Variants in METTL15 observed in about 807,000 individuals in gnomAD.
METTL15 encodes the protein methyltransferase 15, mitochondrial 12S rRNA N4-cytidine, also known as 12S rRNA N(4)-cytidine methyltransferase METTL15.
METTL15 carries 34 observed loss-of-function variants against 38.3 expected under a neutral mutation model. The ratio of observed to expected loss-of-function variants is 0.89; its 90% CI spans 0.68 to 1.18. The LOEUF (loss-of-function observed/expected upper bound fraction) is 1.18. Ranked by LOEUF, METTL15 falls within the 50% of genes most tolerant of loss-of-function variation. The probability of loss-of-function intolerance (pLI) is 0.00; values close to 1 mark genes in which losing one functional copy is unlikely to be tolerated. For missense variants in METTL15, 438 were observed against 498.4 expected (o/e 0.88, Z 1.15); for synonymous variants, 162 against 170.9 (o/e 0.95, Z 0.41).
chr11:28,223,420 T>C (rs1853334556), intron 4 of METTL15, among the ~76,000 whole-genome samples: 1 of 152,138 alleles, frequency 6.6e-6, no homozygotes, highest in South Asian at 2.1e-4. Flanking sequence ...GTGGCAATAA[T>C]GGATCGATCA....
chr11:28,436,456 G>A (rs1012740970), intron 6 of METTL15, among the ~76,000 whole-genome samples: 8 of 152,130 alleles, frequency 5.3e-5, no homozygotes, highest in Admixed American at 5.2e-4. Context: ...ATGCATCAGT[G>A]TTCCATGCAT....
chr11:28,383,213 C>T (rs781007373), intron 5 of METTL15, among the ~76,000 whole-genome samples: 4 of 151,866 alleles, frequency 2.6e-5, no homozygotes, highest in Admixed American at 1.3e-4. Flanking sequence ...TGAGAACATG[C>T]GATATTTTGT....
intron 6 of METTL15, among the ~76,000 whole-genome samples, chr11:28,517,982 A>G (rs1851733054): frequency 6.6e-6 from 1 of 152,226 alleles, no homozygotes. Flanking sequence ...AAACAGAAAC[A>G]CATTCCTCAT....
chr11:28,203,704 T>G (rs903169164), intron 3 of METTL15, among the ~76,000 whole-genome samples: 1 of 152,060 alleles, frequency 6.6e-6, no homozygotes, highest in Non-Finnish European at 1.5e-5. Context: ...TGAAATGTGG[T>G]GTCTGTGTCT....
At chr11:28,154,681 G>A (rs1047709968) in intron 3 of METTL15, among the ~76,000 whole-genome samples, 13 of 152,006 alleles carry the variant, frequency 8.6e-5, no homozygotes, top group African/African-American at 2.4e-4. Flanking sequence ...CTATAAAATA[G>A]AATAATAAGA....
chr11:28,120,619 G>A (rs1452819953), intron 3 of METTL15, among the ~76,000 whole-genome samples: 4 of 151,948 alleles, frequency 2.6e-5, no homozygotes, highest in Non-Finnish European at 5.9e-5. Flanking sequence ...TTTAGTCTCT[G>A]CCTATTTCTT....
chr11:28,392,467 C>T (rs947286803), intron 5 of METTL15, among the ~76,000 whole-genome samples: 1 of 151,850 alleles, frequency 6.6e-6, no homozygotes, highest in Admixed American at 6.6e-5. Context: ...ACAAGGGTGC[C>T]AAGGTTATAT....
At chr11:28,237,189 CAG>C (rs1236895700) in intron 4 of METTL15, among the ~76,000 whole-genome samples, 1 of 152,166 alleles carries the variant, frequency 6.6e-6, no homozygotes, top group Non-Finnish European at 1.5e-5. Context: ...TAATATCCTG[CAG>C]AGTGTTTTCC....
chr11:28,172,200 C>G (rs989889193), intron 3 of METTL15, among the ~76,000 whole-genome samples: 1 of 152,106 alleles, frequency 6.6e-6, no homozygotes, highest in Middle Eastern at 3.4e-3. Context: ...CAAAATATGG[C>G]TTCACAAATT....
intron 3 of METTL15, among the ~76,000 whole-genome samples, chr11:28,345,081 C>T (rs1031505077): frequency 6.6e-6 from 1 of 152,206 alleles, no homozygotes; most frequent in Admixed American, 6.5e-5. Flanking sequence ...ACAGGTATAT[C>T]TGGCTTTCTT....
At chr11:28,500,837 T>C (rs1012121370) in intron 6 of METTL15, among the ~76,000 whole-genome samples, 10 of 152,192 alleles carry the variant, frequency 6.6e-5, no homozygotes, top group African/African-American at 2.2e-4. Context: ...ATGCTTTTAA[T>C]GTGTTCTTCT....
At chr11:28,511,716 G>A (rs949132863) in intron 6 of METTL15, among the ~76,000 whole-genome samples, 18 of 152,284 alleles carry the variant, frequency 1.2e-4, no homozygotes, top group East Asian at 3.9e-4. Flanking sequence ...AGACCTTTGC[G>A]GTGAGTGTTA....
intron 3 of METTL15, among the ~76,000 whole-genome samples, chr11:28,202,912 G>T (rs774631957): frequency 1.3e-5 from 2 of 151,882 alleles, no homozygotes; most frequent in African/African-American, 2.4e-5. Context: ...GGCTAAAAAT[G>T]TTTTCATGTT....
intron 5 of METTL15, among the ~76,000 whole-genome samples, chr11:28,391,564 G>A (rs185763154): frequency 0.018 from 2,689 of 151,876 alleles, 50 homozygotes; most frequent in African/African-American, 0.051. Flanking sequence ...ACTTCAAATT[G>A]TACTACAAGG....
intron 5 of METTL15, among the ~76,000 whole-genome samples, chr11:28,372,193 G>A (rs981613689): frequency 1.3e-4 from 20 of 151,860 alleles, no homozygotes; most frequent in South Asian, 2.1e-4. Context: ...AAGAGATGTT[G>A]AATTTTATTA....
chr11:28,394,197 CTT>C (rs900428917), intron 5 of METTL15, among the ~76,000 whole-genome samples: 21 of 152,090 alleles, frequency 1.4e-4, no homozygotes, highest in African/African-American at 4.3e-4. Context: ...AAGGAACAAT[CTT>C]GAGCAATTAT....
intron 4 of METTL15, among the ~76,000 whole-genome samples, chr11:28,280,731 A>T (rs1415362196): frequency 6.8e-6 from 1 of 147,140 alleles, no homozygotes; most frequent in Non-Finnish European, 1.5e-5. Flanking sequence ...AATAGTTTCT[A>T]ATGAACTGCG....
chr11:28,184,379 T>C (rs982194566), intron 3 of METTL15, among the ~76,000 whole-genome samples: 6 of 152,054 alleles, frequency 3.9e-5, no homozygotes, highest in African/African-American at 1.4e-4. Flanking sequence ...TCATTCCTGC[T>C]TTCTCTTGTG....
intron 3 of METTL15, chr11:28,123,765 T>G: frequency 1.3e-6 from 1 of 757,344 alleles, no homozygotes; most frequent in Non-Finnish European, 2.0e-6. Flanking sequence ...CTTTGTCCTA[T>G]TTGGCCTGTG....
Sources: gnomAD v4.1 joint callset for allele counts (sites outside exome capture counted in the v4.1 genomes callset) on GRCh38, gnomAD v4.1.1 for gene constraint, MANE v1.5 for transcripts, NCBI Gene and HGNC (gene_info 2026-07-23, HGNC 2026-07-21) for gene names.